CBFA2T2: variants seen among roughly 807,000 people sequenced by gnomAD.
CBFA2T2 encodes the protein CBFA2/RUNX1 partner transcriptional co-repressor 2.
In CBFA2T2, 11 loss-of-function variants were observed where a neutral mutation model predicts 62.2. The observed-to-expected ratio is 0.18, with a 90% CI of 0.11 to 0.29. The LOEUF (loss-of-function observed/expected upper bound fraction) is 0.29, where lower values mean the gene tolerates loss of function less well. CBFA2T2 is among the 10% of genes least tolerant of loss of function. The pLI is 1.00. For synonymous variants in CBFA2T2, 295 were observed against 287.5 expected (o/e 1.03, Z -0.27); for missense variants, 592 against 774.1 (o/e 0.76, Z 2.79).
intron 1 of CBFA2T2, among the ~76,000 whole-genome samples, chr20:33,536,600 G>A (rs2146874426): frequency 6.7e-6 from 1 of 148,920 alleles, no homozygotes; most frequent in South Asian, 2.2e-4. Context: ...CGGGCGGAGG[G>A]GCTCCTCACT....
At chr20:33,617,885 A>G (rs1390279570) in intron 3 of CBFA2T2, among the ~76,000 whole-genome samples, 3 of 152,226 alleles carry the variant, frequency 2.0e-5, no homozygotes, top group East Asian at 3.8e-4. Context: ...AATAATAAAT[A>G]TGATATATTT....
At chr20:33,553,526 C>T (rs1430436230) in intron 1 of CBFA2T2, among the ~76,000 whole-genome samples, 3 of 152,230 alleles carry the variant, frequency 2.0e-5, no homozygotes, top group African/African-American at 7.2e-5. Context: ...GCCACCATGC[C>T]CAGCCAGAGT....
intron 1 of CBFA2T2, among the ~76,000 whole-genome samples, chr20:33,578,981 ATTCTTAGAGGGGAGCAGT>A (rs1219677815): frequency 2.6e-5 from 4 of 152,162 alleles, no homozygotes; most frequent in Non-Finnish European, 5.9e-5. Flanking sequence ...TGTAGGATCT[ATTCTTAGAGGGGAGCAGT>A]GGAATGGGTG....
chr20:33,537,253 G>T (rs955945660), intron 1 of CBFA2T2, among the ~76,000 whole-genome samples: 1 of 152,280 alleles, frequency 6.6e-6, no homozygotes, highest in East Asian at 1.9e-4. Flanking sequence ...GCGAGGCCGA[G>T]GCTGGCGGAT....
chr20:33,575,576 A>AT (rs1424168490), intron 1 of CBFA2T2, among the ~76,000 whole-genome samples: 2 of 152,288 alleles, frequency 1.3e-5, no homozygotes, highest in Non-Finnish European at 2.9e-5. Context: ...GTTAAGAGGA[A>AT]TTAGGAAAGA....
intron 1 of CBFA2T2, among the ~76,000 whole-genome samples, chr20:33,543,294 GC>G: frequency 6.6e-6 from 1 of 152,260 alleles, no homozygotes; most frequent in South Asian, 2.1e-4. Flanking sequence ...ACAGGCGTGA[GC>G]CACCGTGCCC....
At chr20:33,547,560 T>C (rs1210545531) in intron 1 of CBFA2T2, among the ~76,000 whole-genome samples, 3 of 152,108 alleles carry the variant, frequency 2.0e-5, no homozygotes, top group East Asian at 3.9e-4. Context: ...CATGCACCTG[T>C]AGTCCTGCTA....
At chr20:33,525,187 A>ATTT (rs1236157163) in intron 1 of CBFA2T2, among the ~76,000 whole-genome samples, 58 of 130,164 alleles carry the variant, frequency 4.5e-4, no homozygotes, top group Middle Eastern at 4.2e-3. Flanking sequence ...CCCTACCTCC[A>ATTT]TTTTTTTTTT....
intron 1 of CBFA2T2, among the ~76,000 whole-genome samples, chr20:33,592,145 G>A (rs1027688740): frequency 4.6e-5 from 7 of 151,856 alleles, no homozygotes; most frequent in Non-Finnish European, 7.4e-5. Flanking sequence ...GGCGGATCAC[G>A]TGATATCAGG....
intron 8 of CBFA2T2, among the ~76,000 whole-genome samples, chr20:33,636,133 G>A (rs2016622343): frequency 6.6e-6 from 1 of 151,706 alleles, no homozygotes; most frequent in African/African-American, 2.4e-5. Context: ...GCGCACACCT[G>A]TACTCCCAGC....
chr20:33,615,553 CA>C (rs2015673233), intron 3 of CBFA2T2, among the ~76,000 whole-genome samples: 4 of 152,106 alleles, frequency 2.6e-5, no homozygotes, highest in Non-Finnish European at 5.9e-5. Flanking sequence ...GGTTCAGAGG[CA>C]AGGTAGAAAG....
At chr20:33,543,846 T>A (rs568897129) in intron 1 of CBFA2T2, among the ~76,000 whole-genome samples, 13 of 152,298 alleles carry the variant, frequency 8.5e-5, no homozygotes, top group Non-Finnish European at 1.2e-4. Flanking sequence ...TTAATTTATT[T>A]ATTTATTCAT....
chr20:33,509,220 A>T (rs1371672640), intron 1 of CBFA2T2, among the ~76,000 whole-genome samples: 1 of 151,648 alleles, frequency 6.6e-6, no homozygotes, highest in Non-Finnish European at 1.5e-5. Flanking sequence ...TACAAAAATT[A>T]TCTGGGTGTG....
chr20:33,545,834 T>G (rs1001450456), intron 1 of CBFA2T2, among the ~76,000 whole-genome samples: 1 of 152,244 alleles, frequency 6.6e-6, no homozygotes, highest in African/African-American at 2.4e-5. Context: ...AAATCAAATA[T>G]GGAAGACTTT....
chr20:33,578,941 A>G (rs1478678994), intron 1 of CBFA2T2, among the ~76,000 whole-genome samples: 1 of 152,164 alleles, frequency 6.6e-6, no homozygotes, highest in Non-Finnish European at 1.5e-5. Context: ...AGTGATGTCT[A>G]CATGTTAAGA....
chr20:33,520,725 A>G (rs1041995500), intron 1 of CBFA2T2, among the ~76,000 whole-genome samples: 5 of 152,096 alleles, frequency 3.3e-5, no homozygotes, highest in Non-Finnish European at 2.9e-5. Context: ...AGCTGAGATC[A>G]TGCCGCTGCA....
chr20:33,536,667 C>T (rs979303057), intron 1 of CBFA2T2, among the ~76,000 whole-genome samples: 6 of 149,820 alleles, frequency 4.0e-5, no homozygotes, highest in African/African-American at 1.2e-4. Flanking sequence ...ATGGGGCGGC[C>T]GGGCAGAGAC....
Position 33,649,473 on chromosome 20 carries a change from C to T in CBFA2T2, c.*4827C>T, listed in dbSNP as rs2017173918. The T allele has an allele frequency of 6.5e-6, 1 of 152,690 alleles. No homozygotes were observed. Among genetic ancestry groups the T allele is most frequent in the African/African-American group, 2.4e-5 (1 of 41,482 alleles). 9.5% of individuals were successfully genotyped at this position (152,690 alleles called of 1,614,324 possible). A position where few individuals can be genotyped will look rare whatever the true frequency, so the allele number is the denominator to read the frequency against. On this transcript the variant is annotated 3_prime_UTR_variant, in exon 11 of 11. Coordinates refer to ENST00000342704, the MANE Select transcript of CBFA2T2 (RefSeq NM_001032999.3). ...CGTGAGCTAAGAGAAGGTTAGGAGG[C>T]CTGAGGGGCGGGCCTTGTGTCCCCT...
At chr20:33,517,844 C>T (rs1029462339) in intron 1 of CBFA2T2, among the ~76,000 whole-genome samples, 2 of 151,770 alleles carry the variant, frequency 1.3e-5, no homozygotes, top group Non-Finnish European at 2.9e-5. Flanking sequence ...TGGAGTTTCA[C>T]TGTGTGGGCC....
Sources: allele counts gnomAD v4.1 joint callset (sites outside exome capture counted in the v4.1 genomes callset), GRCh38; gene constraint gnomAD v4.1.1; transcripts MANE v1.5; gene names NCBI Gene and HGNC (gene_info 2026-07-23, HGNC 2026-07-21).